Variants in MPHOSPH9 observed in about 807,000 individuals in gnomAD.
MPHOSPH9 encodes M-phase phosphoprotein 9.
MPHOSPH9 carries 88 observed loss-of-function variants against 145.5 expected under a neutral mutation model. The ratio of observed to expected loss-of-function variants is 0.60; its 90% CI spans 0.51 to 0.72. The LOEUF is 0.72. Among genes scored for constraint, MPHOSPH9 ranks in the 30% least tolerant of loss-of-function variants. The pLI is 0.00. For missense variants in MPHOSPH9, 1,238 were observed against 1,386.6 expected (o/e 0.89, Z 1.70); for synonymous variants, 435 against 486.2 (o/e 0.89, Z 1.39).
downstream of MPHOSPH9, chr12:123,153,126 G>A (rs932311959): frequency 1.3e-5 from 2 of 152,206 alleles, no homozygotes; most frequent in African/African-American, 4.8e-5. Context: ...GCATGGTTCT[G>A]CCCACAAGCT....
At chr12:123,243,873 C>T (rs1278123178) in exon 1 of MPHOSPH9, 1 of 152,184 alleles carries the variant, frequency 6.6e-6, no homozygotes, top group East Asian at 1.9e-4. Context: ...CGCCTGATCC[C>T]ATGTCTCCAT....
At chr12:123,195,585 C>CAA (rs551573828) in intron 12 of MPHOSPH9, among the ~76,000 whole-genome samples, 1 of 126,668 alleles carries the variant, frequency 7.9e-6, no homozygotes. Context: ...GACTCTGTCT[C>CAA]AAAAAAAAAA....
Position 123,159,076 on chromosome 12 carries a change from C to T in MPHOSPH9, c.3450+1705G>A, listed in dbSNP as rs1212177405. 1.3e-5 allele frequency among the ~76,000 whole-genome samples: 2 copies of T among 152,198 alleles called. No individual in the cohort carries two copies. The highest frequency in any genetic ancestry group is 2.1e-4 in the South Asian group (1 of 4,828). ...ACTGCGCTCCAGCCTGGTGACACAGCGAGACTCCGTCTCCAAACTAGATAA... is the reference window on the plus strand; with the variant it reads ...ACTGCGCTCCAGCCTGGTGACACAGTGAGACTCCGTCTCCAAACTAGATAA... On this transcript the variant is annotated intron_variant, in intron 23 of 23. Transcript: ENST00000606320. This position sits in a 1 kb window ranked among gnomAD's most constrained non-coding sequence, Gnocchi z 4.3.
At chr12:123,219,919 A>T (rs1457423865) in intron 5 of MPHOSPH9, among the ~76,000 whole-genome samples, 3 of 152,198 alleles carry the variant, frequency 2.0e-5, no homozygotes, top group Non-Finnish European at 4.4e-5. Context: ...GCAGTGGTTC[A>T]CGCCTGTAAT....
chr12:123,165,163 G>A, intron 18 of MPHOSPH9, 139 bp downstream of exon 18: 1 of 698,142 alleles, frequency 1.4e-6, no homozygotes, highest in Non-Finnish European at 2.3e-6. Context: ...ATGAAACGGG[G>A]CTGAAGTAGC....
chr12:123,202,308 T>C lies in MPHOSPH9; in HGVS notation c.1793A>G (p.Asn598Ser), dbSNP rs1157906256. The part of the protein sequence containing the change: ...DPVILSKIRQ[N>S]LKEKHARHIA... The stretch of plus-strand genomic sequence containing the variant: ...GTGTCGAGCATGCTTTTCCTTCAGA[T>C]TCTGCCTAATCCTTATTCAGTGAGA... Residue 598 changes from asparagine (N) to serine (S), a missense_variant, in exon 11 of 24, where the codon AAT becomes AGT. Physicochemically the swap from Asn to Ser is conservative, Grantham distance 46. Coordinates refer to ENST00000606320, the MANE Select transcript of MPHOSPH9 (RefSeq NM_022782.4). The C allele has an allele frequency of 6.2e-7, 1 of 1,606,646 alleles. No homozygotes were observed. The highest frequency in any genetic ancestry group is 1.1e-5 in the South Asian group (1 of 88,898).
intron 7 of MPHOSPH9, among the ~76,000 whole-genome samples, chr12:123,210,675 G>A (rs111635726): frequency 3.3e-5 from 5 of 151,930 alleles, no homozygotes; most frequent in East Asian, 1.9e-4. Context: ...CTGAGTGATA[G>A]AGTGAGTGAC....
intron 8 of MPHOSPH9, among the ~76,000 whole-genome samples, chr12:123,205,809 G>A (rs2046401707): frequency 6.6e-6 from 1 of 152,052 alleles, no homozygotes; most frequent in Non-Finnish European, 1.5e-5. Flanking sequence ...GTAATTAATG[G>A]CATTTTATAA....
At chr12:123,221,941 A>G in intron 4 of MPHOSPH9, 46 bp from the exon 5 acceptor site, 2 of 1,018,266 alleles carry the variant, frequency 2.0e-6, no homozygotes, top group Non-Finnish European at 2.8e-6. Context: ...TATATTAAAC[A>G]TCATATTTTT....
intron 6 of MPHOSPH9, among the ~76,000 whole-genome samples, chr12:123,217,483 C>T (rs2047017926): frequency 1.3e-5 from 2 of 151,996 alleles, no homozygotes; most frequent in South Asian, 4.2e-4. Flanking sequence ...AAGCATGAGC[C>T]ACTTGGCCCA....
intron 8 of MPHOSPH9, among the ~76,000 whole-genome samples, chr12:123,204,441 T>C (rs1426667106): frequency 1.3e-5 from 2 of 152,132 alleles, no homozygotes; most frequent in African/African-American, 4.8e-5. Flanking sequence ...TACAATCATG[T>C]TTGTTAAAAG....
At chr12:123,175,756 C>A (rs1049965071) in intron 16 of MPHOSPH9, among the ~76,000 whole-genome samples, 1 of 148,216 alleles carries the variant, frequency 6.7e-6, no homozygotes, top group Non-Finnish European at 1.5e-5. Context: ...CTTCCCTGGT[C>A]CCCAACCCGA....
At chr12:123,209,158 C>T (rs544200786) in intron 8 of MPHOSPH9, among the ~76,000 whole-genome samples, 64 of 152,196 alleles carry the variant, frequency 4.2e-4, no homozygotes, top group Non-Finnish European at 7.8e-4. Flanking sequence ...GTCTTGAACT[C>T]CCAACCTCAG....
At chr12:123,243,001 T>G (rs1269550163) in intron 1 of MPHOSPH9, among the ~76,000 whole-genome samples, 1 of 152,242 alleles carries the variant, frequency 6.6e-6, no homozygotes, top group Non-Finnish European at 1.5e-5. Flanking sequence ...AGATAAGTTT[T>G]GGACATTGAC....
At position 123,155,665 on chromosome 12, in the gene MPHOSPH9, T is replaced by C. The variant is rs933455126; in HGVS notation, c.*1142A>G. ...ACTAAGTAGTTACACAGCTCCAACT[T>C]AACCAGCAGTCCCAACACAAACCTG... is the stretch of plus-strand genomic sequence containing the variant. On this transcript the variant is annotated 3_prime_UTR_variant, in exon 24 of 24. Coordinates refer to ENST00000606320, the MANE Select transcript of MPHOSPH9 (RefSeq NM_022782.4). 2.6e-5 allele frequency: 4 copies of C among 152,146 alleles called. No homozygotes were observed. The highest frequency in any genetic ancestry group is 9.7e-5 in the African/African-American group (4 of 41,424). The allele number at this position is 152,146 out of a possible 1,614,324, so 9.4% of individuals were successfully genotyped here.
At chr12:123,165,609 G>A (rs1407621052) in intron 17 of MPHOSPH9, 132 bp from the exon 18 acceptor site, 5 of 800,248 alleles carry the variant, frequency 6.2e-6, no homozygotes, top group South Asian at 3.8e-5. Context: ...GGGTCTTTAC[G>A]AGGTAATTAG....
intron 8 of MPHOSPH9, among the ~76,000 whole-genome samples, chr12:123,205,165 T>G (rs1264361715): frequency 6.6e-6 from 1 of 152,236 alleles, no homozygotes; most frequent in Non-Finnish European, 1.5e-5. Flanking sequence ...GTCCCATTTC[T>G]AGACCCTACG....
chr12:123,192,629 A>C lies in MPHOSPH9; in HGVS notation c.2241+1757T>G, dbSNP rs1463340319. Among the ~76,000 whole-genome samples, 21 of 9,660 alleles carry C rather than the reference A, an allele frequency of 2.2e-3. No individual in the cohort carries two copies. The East Asian group carries it at 0.22, about 101-fold the overall frequency. 6.3% of individuals were successfully genotyped at this position (9,660 alleles called of 152,430 possible). On this transcript the variant is annotated intron_variant, in intron 13 of 23. Transcript: ENST00000606320. Reference sequence around the variant, plus strand: ...GGGCAACAGAGTGAGACACCGTCTCAAAAAAAAAAAAAAAAAAAAAAAAAA... The same window carrying C: ...GGGCAACAGAGTGAGACACCGTCTCCAAAAAAAAAAAAAAAAAAAAAAAAA...
At chr12:123,181,436 G>T (rs1174113291) in intron 13 of MPHOSPH9, among the ~76,000 whole-genome samples, 2 of 152,188 alleles carry the variant, frequency 1.3e-5, no homozygotes, top group Non-Finnish European at 2.9e-5. Context: ...GCTGGATGCG[G>T]TGGCTCACAC....
Sources: gnomAD v4.1 joint callset for allele counts (sites outside exome capture counted in the v4.1 genomes callset) on GRCh38, gnomAD v4.1.1 for gene constraint, Gnocchi (gnomAD v3.1) non-coding constraint, MANE v1.5 for transcripts, NCBI Gene and HGNC (gene_info 2026-07-23, HGNC 2026-07-21) for gene names.